Variants in FRMPD4 observed in about 807,000 individuals in gnomAD.
The protein encoded by FRMPD4 is FERM and PDZ domain-containing protein 4.
A neutral mutation model predicts 94.1 loss-of-function variants in FRMPD4; 22 were observed. That is an observed-to-expected ratio of 0.23 (90% CI 0.17 to 0.33). The LOEUF (loss-of-function observed/expected upper bound fraction) is 0.33, where lower values mean the gene tolerates loss of function less well. Among genes scored for constraint, FRMPD4 ranks in the 10% least tolerant of loss-of-function variants. The probability of loss-of-function intolerance (pLI) is 1.00; values close to 1 mark genes in which losing one functional copy is unlikely to be tolerated. For synonymous variants in FRMPD4, 631 were observed against 548.6 expected (o/e 1.15, Z -2.10); for missense variants, 1,111 against 1,339.9 (o/e 0.83, Z 2.67).
chrX:12,123,123 CT>C (rs58251577), intron 3 of FRMPD4, among the ~76,000 whole-genome samples: 13,645 of 83,934 alleles, frequency 0.16, 1,394 homozygotes, highest in East Asian at 0.5. Context: ...ATTTTCTTTT[CT>C]TTTTTTTTTT....
intron 1 of FRMPD4, among the ~76,000 whole-genome samples, chrX:12,363,745 C>T (rs2056032140): frequency 8.9e-6 from 1 of 112,041 alleles, no homozygotes; most frequent in African/African-American, 3.2e-5. Flanking sequence ...TTTGAGTCAC[C>T]GTTTATTCCA....
intron 1 of FRMPD4, among the ~76,000 whole-genome samples, chrX:12,412,474 C>T (rs2056746557): frequency 8.9e-6 from 1 of 112,318 alleles, no homozygotes; most frequent in Admixed American, 9.4e-5. Flanking sequence ...TGCTTATCTC[C>T]TTTGGGAAAC....
rs186377491 is a variant in FRMPD4 at position 12,398,642 on chromosome X, G to T, written c.42-100038G>T. On this transcript the variant is annotated intron_variant, in intron 1 of 16. Coordinates refer to ENST00000675598, the MANE Select transcript of FRMPD4 (RefSeq NM_001368397.1). ...TAGTCATGTCAGATGGTCCTAAAAC[G>T]CCAGTTTCTCCTTTTTTGTTACTGT... is the stretch of plus-strand genomic sequence containing the variant. Among the ~76,000 whole-genome samples the T allele has an allele frequency of 1.2e-4, 13 of 111,539 alleles. No individual in the cohort carries two copies. In the South Asian group the frequency reaches 1.9e-3, roughly 16 times the overall value.
chrX:11,841,217 G>T (rs975193518), intron 1 of FRMPD4, among the ~76,000 whole-genome samples: 3 of 109,204 alleles, frequency 2.7e-5, no homozygotes, highest in African/African-American at 1.0e-4. Context: ...ACGTGTGCAT[G>T]TGTCTTTATA....
At chrX:12,615,555 G>C (rs926881986) in intron 4 of FRMPD4, among the ~76,000 whole-genome samples, 2 of 111,661 alleles carry the variant, frequency 1.8e-5, no homozygotes, top group African/African-American at 6.5e-5. Context: ...TAAGGGAAAA[G>C]AGTTCTTTAG....
intron 1 of FRMPD4, among the ~76,000 whole-genome samples, chrX:11,832,677 T>C (rs915356780): frequency 1.8e-5 from 2 of 111,895 alleles, no homozygotes; most frequent in Non-Finnish European, 3.8e-5. Flanking sequence ...TTTAAACTAA[T>C]AAACTTTAGT....
At chrX:12,638,311 A>G (rs931921555) in intron 4 of FRMPD4, among the ~76,000 whole-genome samples, 4 of 112,421 alleles carry the variant, frequency 3.6e-5, no homozygotes, top group African/African-American at 1.3e-4. Flanking sequence ...CACCCAGGCT[A>G]GAGTGCAGTA....
intron 1 of FRMPD4, among the ~76,000 whole-genome samples, chrX:12,151,623 A>G (rs1260167241): frequency 1.8e-5 from 2 of 112,193 alleles, no homozygotes; most frequent in African/African-American, 6.5e-5. Context: ...AAATTCTATC[A>G]GCAATGAGAT....
At chrX:12,697,529 C>A (rs968369593) in intron 9 of FRMPD4, among the ~76,000 whole-genome samples, 1 of 112,356 alleles carries the variant, frequency 8.9e-6, no homozygotes, top group African/African-American at 3.2e-5. Context: ...ATCACGAGTC[C>A]ATTGCATTTA....
chrX:12,465,709 T>C (rs1306390271), intron 1 of FRMPD4, among the ~76,000 whole-genome samples: 2 of 112,051 alleles, frequency 1.8e-5, no homozygotes. Flanking sequence ...AGCTTTAATG[T>C]TGAATGAAGA....
intron 1 of FRMPD4, among the ~76,000 whole-genome samples, chrX:12,356,489 A>G (rs576701435): frequency 8.0e-4 from 89 of 110,936 alleles, no homozygotes; most frequent in African/African-American, 2.8e-3. Flanking sequence ...AGGTGGGGCC[A>G]TTAGGAGGTA....
chrX:12,183,126 A>ATG (rs1569182895), intron 1 of FRMPD4, among the ~76,000 whole-genome samples: 2 of 83,790 alleles, frequency 2.4e-5, no homozygotes, highest in African/African-American at 8.2e-5. Context: ...ATCTATCTAT[A>ATG]TATATATATG....
chrX:12,453,146 G>A (rs890426479), intron 1 of FRMPD4, among the ~76,000 whole-genome samples: 2 of 112,233 alleles, frequency 1.8e-5, no homozygotes, highest in African/African-American at 3.2e-5. Flanking sequence ...ATTTTAAGGT[G>A]TTGTGTTTAT....
intron 1 of FRMPD4, among the ~76,000 whole-genome samples, chrX:12,473,062 A>G (rs1347845090): frequency 9.0e-6 from 1 of 110,850 alleles, no homozygotes; most frequent in Non-Finnish European, 1.9e-5. Context: ...GCAGCCAGAG[A>G]GAAAGGTCAG....
At chrX:12,167,270 T>C (rs1164693530) in intron 1 of FRMPD4, among the ~76,000 whole-genome samples, 2 of 112,130 alleles carry the variant, frequency 1.8e-5, no homozygotes, top group Non-Finnish European at 3.8e-5. Context: ...TCTGGTTGGT[T>C]TCAAAGAACA....
chrX:12,693,575 G>A (rs1382595333), intron 8 of FRMPD4, among the ~76,000 whole-genome samples: 1 of 111,916 alleles, frequency 8.9e-6, no homozygotes, highest in Non-Finnish European at 1.9e-5. Flanking sequence ...AATACTTGTA[G>A]AATCTGGTGT....
At chrX:12,425,173 CTTTAT>C (rs1195713434) in intron 1 of FRMPD4, among the ~76,000 whole-genome samples, 1 of 112,136 alleles carries the variant, frequency 8.9e-6, no homozygotes, top group East Asian at 2.8e-4. Context: ...TTTTCTGTGC[CTTTAT>C]TTTGTTAGGC....
At chrX:12,210,792 A>G (rs1317034131) in intron 1 of FRMPD4, among the ~76,000 whole-genome samples, 1 of 111,470 alleles carries the variant, frequency 9.0e-6, no homozygotes, top group East Asian at 2.8e-4. Flanking sequence ...ATTTAGATGT[A>G]TGAGACAAAG....
chrX:12,316,737 AAAAAC>A (rs1479946861), intron 1 of FRMPD4, among the ~76,000 whole-genome samples: 4 of 111,073 alleles, frequency 3.6e-5, no homozygotes, highest in East Asian at 5.6e-4. Context: ...GTACCATTAA[AAAAAC>A]AAAACAAAAC....
Sources: allele counts gnomAD v4.1 joint callset (sites outside exome capture counted in the v4.1 genomes callset), GRCh38; gene constraint gnomAD v4.1.1; transcripts MANE v1.5; gene names NCBI Gene and HGNC (gene_info 2026-07-23, HGNC 2026-07-21).